ABHD6: variants seen among roughly 807,000 people sequenced by gnomAD.
ABHD6 encodes monoacylglycerol lipase ABHD6.
A neutral mutation model predicts 38.8 loss-of-function variants in ABHD6; 33 were observed. The ratio of observed to expected loss-of-function variants is 0.85; its 90% CI spans 0.64 to 1.14. The LOEUF (loss-of-function observed/expected upper bound fraction) is 1.14. Among genes scored for constraint, ABHD6 ranks in the 50% most tolerant of loss-of-function variants. The pLI is 0.00. For missense variants in ABHD6, 380 were observed against 422.6 expected (o/e 0.90, Z 0.88); for synonymous variants, 147 against 161.6 (o/e 0.91, Z 0.69).
At chr3:58,260,788 G>A (rs942821688) in intron 3 of ABHD6, among the ~76,000 whole-genome samples, 9 of 152,202 alleles carry the variant, frequency 5.9e-5, no homozygotes, top group South Asian at 2.1e-4. Context: ...CCTGCCATAT[G>A]AGCATAAGGG....
At chr3:58,253,406 G>A (rs748307708) in intron 2 of ABHD6, among the ~76,000 whole-genome samples, 1 of 152,156 alleles carries the variant, frequency 6.6e-6, no homozygotes, top group Non-Finnish European at 1.5e-5. Flanking sequence ...AGCCCATGAT[G>A]TTCAAACAGA....
chr3:58,271,811 C>T (rs2107457005), intron 6 of ABHD6, among the ~76,000 whole-genome samples: 1 of 108,680 alleles, frequency 9.2e-6, no homozygotes, highest in East Asian at 3.3e-4. Context: ...GTTGCTCAGA[C>T]TGGAGTGCAG....
chr3:58,293,820 C>A lies in ABHD6; in HGVS notation c.*55C>A. The A allele has an allele frequency of 6.4e-7, 1 of 1,574,728 alleles. No individual in the cohort carries two copies. Among genetic ancestry groups the A allele is most frequent in the Non-Finnish European group, 8.6e-7 (1 of 1,156,712 alleles). On this transcript the variant is annotated 3_prime_UTR_variant, in exon 10 of 10. Coordinates refer to ENST00000478253, the MANE Select transcript of ABHD6 (RefSeq NM_001320126.2). The surrounding 1 kb of genome is among the most constrained non-coding windows in gnomAD (Gnocchi z 4.4). Reference sequence around the variant, plus strand: ...CAGCATCTGCTCCCATCCCCCAAGTCTGACGCAGCCACCACTCTCAGGGAT... The same window carrying A: ...CAGCATCTGCTCCCATCCCCCAAGTATGACGCAGCCACCACTCTCAGGGAT...
chr3:58,290,212 G>A (rs1471321217), intron 9 of ABHD6, among the ~76,000 whole-genome samples: 2 of 109,886 alleles, frequency 1.8e-5, no homozygotes, highest in African/African-American at 3.7e-5. Context: ...TGGCTGGGCA[G>A]AGGGGCTCCT....
At chr3:58,245,869 G>T (rs553338893) in intron 1 of ABHD6, among the ~76,000 whole-genome samples, 2 of 152,272 alleles carry the variant, frequency 1.3e-5, no homozygotes, top group South Asian at 4.1e-4. Flanking sequence ...AACTGTCTTT[G>T]ATCTCCCTGC....
chr3:58,245,444 C>A (rs2097425724), intron 1 of ABHD6, among the ~76,000 whole-genome samples: 1 of 151,702 alleles, frequency 6.6e-6, no homozygotes, highest in African/African-American at 2.4e-5. Flanking sequence ...GGGATTACAG[C>A]CCTGAGCCAC....
intron 7 of ABHD6, among the ~76,000 whole-genome samples, chr3:58,282,249 T>TAAGTATAATAGGACCTAAGTATAATAG (rs2097453835): frequency 6.6e-6 from 1 of 152,084 alleles, no homozygotes; most frequent in African/African-American, 2.4e-5. Context: ...ATAGGACCAC[T>TAAGTATAATAGGACCTAAGTATAATAG]GAGAGATTGT....
In ABHD6 at chr3:58,267,878, G is replaced by C. The variant is rs1251388640; in HGVS notation, c.276+533G>C. 1.3e-5 allele frequency among the ~76,000 whole-genome samples: 2 copies of C among 151,924 alleles called. No individual in the cohort carries two copies. The highest frequency in any genetic ancestry group is 4.8e-5 in the African/African-American group (2 of 41,352). On this transcript the variant is annotated intron_variant, in intron 4 of 9. Coordinates refer to ENST00000478253, the MANE Select transcript of ABHD6 (RefSeq NM_001320126.2). The surrounding 1 kb of genome is among the most constrained non-coding windows in gnomAD (Gnocchi z 4.3). Reference sequence around the variant, plus strand: ...GCAGATCACTTGAGCCCAGGAGTTTGAGACCAGCCTGGGCAACATAGGGAG... The same window carrying C: ...GCAGATCACTTGAGCCCAGGAGTTTCAGACCAGCCTGGGCAACATAGGGAG...
chr3:58,290,241 G>T (rs2097461107), intron 9 of ABHD6, among the ~76,000 whole-genome samples: 1 of 130,446 alleles, frequency 7.7e-6, no homozygotes, highest in Non-Finnish European at 1.7e-5. Flanking sequence ...AGTAGGGGCG[G>T]CTGGGCAGAG....
intron 2 of ABHD6, among the ~76,000 whole-genome samples, chr3:58,254,594 C>T (rs551178992): frequency 1.3e-3 from 201 of 152,140 alleles, no homozygotes; most frequent in African/African-American, 4.7e-3. Flanking sequence ...CACTCCATTT[C>T]CCAGGAAATG....
chr3:58,288,143 C>T (rs757084636), intron 9 of ABHD6, among the ~76,000 whole-genome samples: 3 of 152,160 alleles, frequency 2.0e-5, no homozygotes, highest in Non-Finnish European at 4.4e-5. Context: ...GGCCAAATAG[C>T]AGAGGCTTCA....
At position 58,263,078 on chromosome 3, in the gene ABHD6, C is replaced by T. The variant is rs1008022559; in HGVS notation, c.120-4111C>T. Among the ~76,000 whole-genome samples the T allele has an allele frequency of 2.6e-5, 4 of 152,244 alleles. No homozygotes were observed. Among genetic ancestry groups the T allele is most frequent in the Non-Finnish European group, 4.4e-5 (3 of 68,020 alleles). ...CGAAAATTAGCCAGGCGTGGTGGCA[C>T]GCGCCTGTAGTCCCAGCTACTTGGG... On this transcript the variant is annotated intron_variant, in intron 3 of 9. Transcript: ENST00000478253. The surrounding 1 kb of genome is among the most constrained non-coding windows in gnomAD (Gnocchi z 4.9).
In ABHD6 at chr3:58,256,615, T is replaced by A. The variant is rs1203321013; in HGVS notation, c.29T>A (p.Val10Glu). 3.1e-6 allele frequency: 5 copies of A among 1,614,074 alleles called. No individual in the cohort carries two copies. The African/African-American group carries it at 4.0e-5, about 13-fold the overall frequency. Reference sequence around the variant, plus strand: ...GATCTTGATGTGGTTAACATGTTTGTGATTGCGGGCGGCACGCTGGCCATC... The same window carrying A: ...GATCTTGATGTGGTTAACATGTTTGAGATTGCGGGCGGCACGCTGGCCATC... Reference protein sequence around the residue: MDLDVVNMFVIAGGTLAIPI... With the variant: MDLDVVNMFEIAGGTLAIPI... Residue 10 changes from valine to glutamate, a missense_variant, in exon 3 of 10, where the codon GTG (valine) becomes GAG (glutamate). Coordinates refer to ENST00000478253, the MANE Select transcript of ABHD6 (RefSeq NM_001320126.2). This position sits in a 1 kb window ranked among gnomAD's most constrained non-coding sequence, Gnocchi z 4.3.
At chr3:58,278,567 A>C (rs748332850) in intron 7 of ABHD6, among the ~76,000 whole-genome samples, 4 of 151,998 alleles carry the variant, frequency 2.6e-5, no homozygotes, top group Admixed American at 2.0e-4. Flanking sequence ...GGATTCGTTG[A>C]TTTTTTGAAG....
intron 7 of ABHD6, among the ~76,000 whole-genome samples, chr3:58,283,326 G>C (rs776973387): frequency 6.6e-6 from 1 of 152,164 alleles, no homozygotes; most frequent in Non-Finnish European, 1.5e-5. Flanking sequence ...AACACCAAGA[G>C]AAAAATAAAT....
In ABHD6 at chr3:58,273,826, G is replaced by C. The variant is rs755162034; in HGVS notation, c.524-832G>C. Among the ~76,000 whole-genome samples the C allele has an allele frequency of 6.6e-6, 1 of 152,080 alleles. No individual in the cohort carries two copies. The highest frequency in any genetic ancestry group is 1.9e-4 in the East Asian group (1 of 5,194). Reference sequence around the variant, plus strand: ...TTGATAGGTGCAGCAAACCACCGTGGCACATGTATACCTATGTAACAAACC... The same window carrying C: ...TTGATAGGTGCAGCAAACCACCGTGCCACATGTATACCTATGTAACAAACC... On this transcript the variant is annotated intron_variant, in intron 6 of 9. Coordinates refer to ENST00000478253, the MANE Select transcript of ABHD6 (RefSeq NM_001320126.2). This position sits in a 1 kb window ranked among gnomAD's most constrained non-coding sequence, Gnocchi z 4.8.
chr3:58,256,108 CAT>C lies in ABHD6; in HGVS notation c.-25-452_-25-451del, dbSNP rs1491133504. On this transcript the variant is annotated intron_variant, in intron 2 of 9. Transcript: ENST00000478253. This position sits in a 1 kb window ranked among gnomAD's most constrained non-coding sequence, Gnocchi z 4.3. The stretch of plus-strand genomic sequence containing the variant: ...ACACACACACACACACACACACACA[CAT>C]ACACACACTACTTTTTCTCTCCTGA... Among the ~76,000 whole-genome samples the C allele has an allele frequency of 0.24, 15,273 of 64,408 alleles. 1,377 individuals are homozygous for C. Among genetic ancestry groups the C allele is most frequent in the East Asian group, 0.6 (2,285 of 3,818 alleles). 42.3% of individuals were successfully genotyped at this position (64,408 alleles called of 152,430 possible).
chr3:58,246,966 T>C (rs2097426844), intron 1 of ABHD6, among the ~76,000 whole-genome samples: 1 of 151,890 alleles, frequency 6.6e-6, no homozygotes, highest in South Asian at 2.1e-4. Context: ...CCTCCATCCT[T>C]CCAGCATTCA....
intron 1 of ABHD6, among the ~76,000 whole-genome samples, chr3:58,239,018 C>T (rs1043052749): frequency 1.6e-4 from 24 of 152,030 alleles, no homozygotes; most frequent in African/African-American, 1.7e-4. Context: ...TAGGTACCAC[C>T]GCTGTGCCCA....
Sources: allele counts gnomAD v4.1 joint callset (sites outside exome capture counted in the v4.1 genomes callset), GRCh38; gene constraint gnomAD v4.1.1; non-coding constraint Gnocchi (gnomAD v3.1); transcripts MANE v1.5; gene names NCBI Gene and HGNC (gene_info 2026-07-23, HGNC 2026-07-21).